Variants in FBP1 observed in about 807,000 individuals in gnomAD.
FBP1 encodes the protein fructose-1,6-bisphosphatase 1.
FBP1 carries 22 observed loss-of-function variants against 29.9 expected under a neutral mutation model. The observed-to-expected ratio is 0.74, with a 90% CI of 0.53 to 1.05. The LOEUF (loss-of-function observed/expected upper bound fraction) is 1.05, where lower values mean the gene tolerates loss of function less well. FBP1 is among the 50% of genes least tolerant of loss of function. The pLI is 0.00. For synonymous variants in FBP1, 175 were observed against 178.6 expected (o/e 0.98, Z 0.16); for missense variants, 345 against 448.2 (o/e 0.77, Z 2.08).
rs189483474 is a variant in FBP1 at position 94,614,263 on chromosome 9, G to A, written c.426+3505C>T. On this transcript the variant is annotated intron_variant, in intron 3 of 6. Transcript: ENST00000375326. Reference sequence around the variant, plus strand: ...AGAAAGAATAGTAGTAGTCGTGGCCGGGCGCGGTGGCTCACGCCTGTAATT... The same window carrying A: ...AGAAAGAATAGTAGTAGTCGTGGCCAGGCGCGGTGGCTCACGCCTGTAATT... 4.0e-3 allele frequency among the ~76,000 whole-genome samples: 597 copies of A among 150,950 alleles called. 4 individuals are homozygous for A. Among genetic ancestry groups the A allele is most frequent in the African/African-American group, 0.013 (543 of 41,226 alleles).
chr9:94,610,924 T>C (rs1229580354), intron 3 of FBP1, among the ~76,000 whole-genome samples: 1 of 151,160 alleles, frequency 6.6e-6, no homozygotes, highest in East Asian at 1.9e-4. Flanking sequence ...AGTGCAGTGG[T>C]GCTATCTCGG....
chr9:94,624,969 C>T (rs1828001555), intron 1 of FBP1, among the ~76,000 whole-genome samples: 1 of 152,032 alleles, frequency 6.6e-6, no homozygotes, highest in East Asian at 2.0e-4. Context: ...CCTGGGCCAG[C>T]CCCACCACCC....
At chr9:94,614,815 G>C (rs1446833887) in intron 3 of FBP1, among the ~76,000 whole-genome samples, 1 of 152,206 alleles carries the variant, frequency 6.6e-6, no homozygotes, top group Non-Finnish European at 1.5e-5. Context: ...ACTGGTTTCA[G>C]CTGTTTCAAG....
rs534677120 is a variant in FBP1 at position 94,603,580 on chromosome 9, A to T, written c.826-8T>A. 7 of 1,613,928 alleles carry T rather than the reference A, an allele frequency of 4.3e-6. No individual in the cohort carries two copies. In the African/African-American group the frequency reaches 9.3e-5, roughly 22 times the overall value. ...TTCGTACAGCAGTCTCAGCTGGAAA[A>T]CAAGACCGGGTAGCGGCCTCCTTGT... On this transcript the variant is annotated splice_polypyrimidine_tract_variant and splice_region_variant and intron_variant, in intron 6 of 6. Coordinates refer to ENST00000375326, the MANE Select transcript of FBP1 (RefSeq NM_000507.4).
intron 1 of FBP1, among the ~76,000 whole-genome samples, chr9:94,623,926 C>A (rs569397628): frequency 6.6e-6 from 1 of 152,192 alleles, no homozygotes; most frequent in East Asian, 1.9e-4. Context: ...TGACATAAAA[C>A]AAAAACAAGG....
chr9:94,606,150 T>C (rs28369754), intron 5 of FBP1, among the ~76,000 whole-genome samples: 3,864 of 152,238 alleles, frequency 0.025, 213 homozygotes, highest in East Asian at 0.25. Flanking sequence ...CTGCAAACAT[T>C]TGAGCTTCAT....
At chr9:94,623,095 G>A (rs1459229825) in intron 1 of FBP1, among the ~76,000 whole-genome samples, 5 of 151,810 alleles carry the variant, frequency 3.3e-5, no homozygotes, top group African/African-American at 1.2e-4. Context: ...AGCGATTCTC[G>A]TGCCTCACCC....
chr9:94,603,897 A>C (rs1387129710), intron 6 of FBP1: 1 of 375,932 alleles, frequency 2.7e-6, no homozygotes, highest in African/African-American at 2.1e-5. Context: ...TATACCATGG[A>C]AACTGGACTT....
At chr9:94,629,154 GTAT>G (rs1828066868) in intron 1 of FBP1, among the ~76,000 whole-genome samples, 1 of 151,514 alleles carries the variant, frequency 6.6e-6, no homozygotes, top group Non-Finnish European at 1.5e-5. Flanking sequence ...GCTAATTTTT[GTAT>G]TTTTAGTAGA....
chr9:94,635,086 C>CAAAAAAAAAAAAAA (rs11289183), intron 1 of FBP1, among the ~76,000 whole-genome samples: 1 of 82,254 alleles, frequency 1.2e-5, no homozygotes, highest in African/African-American at 4.8e-5. Context: ...GGCCCTGTCT[C>CAAAAAAAAAAAAAA]AAAAAAAAAA....
Position 94,617,797 on chromosome 9 carries a change from CGG to C in FBP1, c.395_396del (p.Ser132CysfsTer9), listed in dbSNP as rs1563983222. On this transcript the variant is annotated frameshift_variant, in exon 3 of 7. Coordinates refer to ENST00000375326, the MANE Select transcript of FBP1 (RefSeq NM_000507.4). LOFTEE classifies it high-confidence loss of function. ...CTATAGATGCCAAAAATGGTTCCAA[CGG>C]ACACAAGGCAATCGATGTTGGAAGA... ...DGSSNIDCLV[S>X]VGTIFGIYRK... 1 of 1,613,526 alleles carries C rather than the reference CGG, an allele frequency of 6.2e-7. No individual in the cohort carries two copies. Among genetic ancestry groups the C allele is most frequent in the South Asian group, 1.1e-5 (1 of 91,064 alleles).
At chr9:94,619,430 T>G (rs1827910181) in intron 2 of FBP1, among the ~76,000 whole-genome samples, 1 of 152,170 alleles carries the variant, frequency 6.6e-6, no homozygotes, top group Non-Finnish European at 1.5e-5. Context: ...TTTTTTCTAA[T>G]TACAATTGTT....
At chr9:94,604,479 C>G (rs1228758791) in intron 6 of FBP1, among the ~76,000 whole-genome samples, 1 of 92,862 alleles carries the variant, frequency 1.1e-5, no homozygotes, top group African/African-American at 4.8e-5. Flanking sequence ...CTGTTCTCCT[C>G]TTGCATTAAA....
intron 5 of FBP1, among the ~76,000 whole-genome samples, chr9:94,606,133 G>GA (rs1347186239): frequency 6.6e-6 from 1 of 152,166 alleles, no homozygotes; most frequent in East Asian, 1.9e-4. Context: ...AGGCCTCCTT[G>GA]AACGTCCTGC....
At chr9:94,605,424 G>C (rs1427876503) in intron 6 of FBP1, 33 bp downstream of exon 6, 1 of 1,609,680 alleles carries the variant, frequency 6.2e-7, no homozygotes. Context: ...AGTGAAATCT[G>C]CTCCTCACTC....
At chr9:94,639,105 G>C (rs1469480338) in intron 1 of FBP1, 36 bp downstream of exon 1, 30 of 1,565,810 alleles carry the variant, frequency 1.9e-5, no homozygotes, top group Non-Finnish European at 2.6e-5. Context: ...CAGGCAGACA[G>C]ACAGGACGGG....
intron 1 of FBP1, among the ~76,000 whole-genome samples, chr9:94,621,398 A>AAAAAAAAAT (rs58726402): frequency 1.4e-5 from 2 of 146,154 alleles, no homozygotes; most frequent in African/African-American, 5.3e-5. Flanking sequence ...TCCGTCTAAA[A>AAAAAAAAAT]ATATATATAT....
At chr9:94,604,645 G>T (rs370394898) in intron 6 of FBP1, among the ~76,000 whole-genome samples, 36 of 152,230 alleles carry the variant, frequency 2.4e-4, no homozygotes, top group South Asian at 1.9e-3. Context: ...TTAGTCGGGC[G>T]TGGTGGCGGG....
intron 1 of FBP1, among the ~76,000 whole-genome samples, chr9:94,634,314 AAAAG>A (rs1828159177): frequency 6.6e-6 from 1 of 151,950 alleles, no homozygotes; most frequent in Non-Finnish European, 1.5e-5. Flanking sequence ...AAAAGAAAGA[AAAAG>A]AAAGCATCTT....
Sources: allele counts gnomAD v4.1 joint callset (sites outside exome capture counted in the v4.1 genomes callset), GRCh38; gene constraint gnomAD v4.1.1; transcripts MANE v1.5; gene names NCBI Gene and HGNC (gene_info 2026-07-23, HGNC 2026-07-21).